Variants in ZBBX observed in about 807,000 individuals in gnomAD.
ZBBX encodes the protein zinc finger B-box domain containing.
In ZBBX, 101 loss-of-function variants were observed where a neutral mutation model predicts 108.5. The ratio of observed to expected loss-of-function variants is 0.93; its 90% CI spans 0.79 to 1.10. The LOEUF is 1.10. ZBBX is among the 50% of genes least tolerant of loss of function. The pLI, the probability that ZBBX is intolerant of heterozygous loss-of-function variation, is 0.00. For missense variants in ZBBX, 1,009 were observed against 941.4 expected, an observed-to-expected ratio of 1.07 and a Z score of -0.94; for synonymous variants, 356 against 323.4, an observed-to-expected ratio of 1.10 and a Z score of -1.08.
At chr3:167,311,791 G>A (rs1294132746) in intron 16 of ZBBX, among the ~76,000 whole-genome samples, 1 of 152,160 alleles carries the variant, frequency 6.6e-6, no homozygotes, top group Non-Finnish European at 1.5e-5. Context: ...AGATGATGGT[G>A]AGGATATGGA....
the ZBBX span, among the ~76,000 whole-genome samples, chr3:167,232,439 T>G: frequency 2.4e-4 from 36 of 151,958 alleles, no homozygotes; most frequent in African/African-American, 8.2e-4. Context: ...TCATTATCAC[T>G]TATTTTAATC....
rs1226722853 is a variant in ZBBX, at chr3:167,322,138, A to G, written c.962T>C (p.Leu321Ser). 7.5e-7 allele frequency: 1 copy of G among 1,336,964 alleles called. No individual in the cohort carries two copies. Among genetic ancestry groups the G allele is most frequent in the Non-Finnish European group, 9.9e-7 (1 of 1,012,810 alleles). 82.8% of individuals were successfully genotyped at this position (1,336,964 alleles called of 1,614,324 possible). ...KEDILSYMEKLWLKKHRRTPQ... is the reference protein window; with the variant it reads ...KEDILSYMEKSWLKKHRRTPQ... ...ATACCTCCTGTGTTTTTTAAGCCAT[A>G]ATTTTTCCATATAGGATAGAATGTC... is the stretch of plus-strand genomic sequence containing the variant. The change falls in exon 12 of 22, where the codon TTA (leucine) becomes TCA (serine). Residue 321 changes from leucine (L) to serine (S), a missense_variant. Leu to Ser is a moderately radical substitution (Grantham distance 145, BLOSUM62 -2). Coordinates refer to ENST00000675490, the MANE Select transcript of ZBBX (RefSeq NM_001199201.2).
chr3:167,316,229 T>A (rs1208209897), intron 14 of ZBBX, among the ~76,000 whole-genome samples: 3 of 151,936 alleles, frequency 2.0e-5, no homozygotes, highest in Non-Finnish European at 4.4e-5. Flanking sequence ...CTCAAATTTA[T>A]CCAGAGGAGA....
chr3:167,333,821 G>A lies in ZBBX; in HGVS notation c.687+6C>T. 6.3e-7 allele frequency: 1 copy of A among 1,591,584 alleles called. No individual in the cohort carries two copies. Among genetic ancestry groups the A allele is most frequent in the Non-Finnish European group, 8.5e-7 (1 of 1,172,224 alleles). ...GAAAATGTCTACTATATTTTCCTCA[G>A]TTTACCTCAGAGCTGCTCCTCTGGA... is the stretch of plus-strand genomic sequence containing the variant. On this transcript the variant is annotated splice_donor_region_variant and intron_variant, in intron 10 of 21. Transcript: ENST00000675490.
At chr3:167,223,058 G>A in the ZBBX span, among the ~76,000 whole-genome samples, 1 of 151,766 alleles carries the variant, frequency 6.6e-6, no homozygotes, top group Non-Finnish European at 1.5e-5. Context: ...CCATAAATAT[G>A]TACAAATATT....
At chr3:167,311,726 A>AC (rs1246733845) in intron 16 of ZBBX, among the ~76,000 whole-genome samples, 1 of 152,152 alleles carries the variant, frequency 6.6e-6, no homozygotes, top group African/African-American at 2.4e-5. Context: ...TCAAAAAAAA[A>AC]ATGAAATATC....
At chr3:167,271,075 T>A (rs1036758171) in intron 20 of ZBBX, among the ~76,000 whole-genome samples, 2 of 152,220 alleles carry the variant, frequency 1.3e-5, no homozygotes, top group African/African-American at 2.4e-5. Context: ...TGCCTAATAA[T>A]TGGTCTGCCC....
At chr3:167,332,511 A>G (rs1299453459) in intron 10 of ZBBX, among the ~76,000 whole-genome samples, 2 of 152,192 alleles carry the variant, frequency 1.3e-5, no homozygotes, top group African/African-American at 4.8e-5. Context: ...AATAAATAAC[A>G]CAGAGGAGCC....
chr3:167,309,269 T>C (rs532001216), intron 16 of ZBBX, among the ~76,000 whole-genome samples: 28 of 152,312 alleles, frequency 1.8e-4, no homozygotes, highest in Non-Finnish European at 2.6e-4. Flanking sequence ...CTGGCTTGCA[T>C]GGTGCAAGCT....
At chr3:167,393,851 G>A (rs1341074799) in intron 1 of ZBBX, among the ~76,000 whole-genome samples, 2 of 151,802 alleles carry the variant, frequency 1.3e-5, no homozygotes, top group African/African-American at 4.8e-5. Flanking sequence ...TTATGGTGAA[G>A]ACAGCCTAAA....
chr3:167,392,488 G>A (rs1748107497), intron 1 of ZBBX, among the ~76,000 whole-genome samples: 1 of 151,728 alleles, frequency 6.6e-6, no homozygotes, highest in Non-Finnish European at 1.5e-5. Context: ...AACTTTATAA[G>A]AAACTGTCAA....
At chr3:167,268,739 C>T (rs1417549415) in intron 20 of ZBBX, among the ~76,000 whole-genome samples, 3 of 152,000 alleles carry the variant, frequency 2.0e-5, no homozygotes, top group Admixed American at 6.5e-5. Flanking sequence ...TTGGGAAGAC[C>T]GACCTCTGAG....
intron 9 of ZBBX, among the ~76,000 whole-genome samples, chr3:167,348,923 T>C (rs1742174454): frequency 6.6e-6 from 1 of 152,072 alleles, no homozygotes; most frequent in African/African-American, 2.4e-5. Flanking sequence ...GAAAGCATAC[T>C]GTATGCCATG....
chr3:167,188,131 T>C, the ZBBX span, among the ~76,000 whole-genome samples: 3 of 152,150 alleles, frequency 2.0e-5, no homozygotes, highest in African/African-American at 7.2e-5. Context: ...GGAATTACCA[T>C]AAAAACAATT....
intron 6 of ZBBX, among the ~76,000 whole-genome samples, chr3:167,361,322 T>C (rs933689739): frequency 6.6e-6 from 1 of 152,172 alleles, no homozygotes; most frequent in Admixed American, 6.6e-5. Flanking sequence ...ACTTAAAATT[T>C]TGGGATTTTA....
the ZBBX span, among the ~76,000 whole-genome samples, chr3:167,211,726 CT>C: frequency 6.6e-6 from 1 of 151,908 alleles, no homozygotes; most frequent in African/African-American, 2.4e-5. Flanking sequence ...CAGACTGCTA[CT>C]TTAAGCAGGT....
rs1185308705 is a variant in ZBBX at position 167,317,371 on chromosome 3, CA to C, written c.1093+116del. 3 of 743,958 alleles carry C rather than the reference CA, an allele frequency of 4.0e-6. No homozygotes were observed. The East Asian group carries it at 8.5e-5, about 21-fold the overall frequency. The allele number at this position is 743,958 out of a possible 1,614,324, so 46.1% of individuals were successfully genotyped here. ...ATTTTCATCTAAAGAGAAAAGATTA[CA>C]TGGTACAACTGAGAATAATATATTA... is the stretch of plus-strand genomic sequence containing the variant. On this transcript the variant is annotated intron_variant, in intron 13 of 21. Coordinates refer to ENST00000675490, the MANE Select transcript of ZBBX (RefSeq NM_001199201.2).
chr3:167,230,854 A>T, the ZBBX span, among the ~76,000 whole-genome samples: 1 of 151,718 alleles, frequency 6.6e-6, no homozygotes, highest in African/African-American at 2.4e-5. Context: ...TTAAAAGATA[A>T]CTCTGTTTTA....
At position 167,305,916 on chromosome 3, in the gene ZBBX, C is replaced by A. The variant is rs763158775; in HGVS notation, c.1452G>T (p.Val484=). The change falls in exon 17 of 22, where the codon GTG becomes GTT. Residue 484 remains valine (V), a synonymous_variant. Coordinates refer to ENST00000675490, the MANE Select transcript of ZBBX (RefSeq NM_001199201.2). ...ETSNTDFDNI[V]DPDVYSSDIE... ...TGTCAGAAGAATACACATCAGGATC[C>A]ACGATGTTGTCAAAATCTGTGTTTG... The A allele has an allele frequency of 7.0e-6, 11 of 1,573,634 alleles. No individual in the cohort carries two copies. The African/African-American group carries it at 1.4e-4, about 20-fold the overall frequency.
Sources: allele counts gnomAD v4.1 joint callset (sites outside exome capture counted in the v4.1 genomes callset), GRCh38; gene constraint gnomAD v4.1.1; transcripts MANE v1.5; gene names NCBI Gene and HGNC (gene_info 2026-07-23, HGNC 2026-07-21).